Variants in CLOCK observed in about 807,000 individuals in gnomAD.
CLOCK encodes clock circadian regulator.
In CLOCK, 43 loss-of-function variants were observed where a neutral mutation model predicts 118.4. The ratio of observed to expected loss-of-function variants is 0.36; its 90% CI spans 0.28 to 0.47. CLOCK has a LOEUF of 0.47. Among genes scored for constraint, CLOCK ranks in the 20% least tolerant of loss-of-function variants. The pLI, the probability that CLOCK is intolerant of heterozygous loss-of-function variation, is 1.00. For missense variants in CLOCK, 846 were observed against 999.9 expected (o/e 0.85, Z 2.08); for synonymous variants, 326 against 339.2 (o/e 0.96, Z 0.43).
At chr4:55,492,587 G>T (rs1017088806) in intron 2 of CLOCK, among the ~76,000 whole-genome samples, 6 of 152,190 alleles carry the variant, frequency 3.9e-5, no homozygotes, top group African/African-American at 1.4e-4. Context: ...GCTCATGCCT[G>T]TAATCCTAGC....
intron 22 of CLOCK, 43 bp downstream of exon 22, chr4:55,438,239 A>G: frequency 1.2e-6 from 2 of 1,607,740 alleles, no homozygotes; most frequent in African/African-American, 2.7e-5. Flanking sequence ...TCATTACATG[A>G]AAGTAAATGA....
At chr4:55,492,622 A>G (rs928274019) in intron 2 of CLOCK, among the ~76,000 whole-genome samples, 2 of 152,152 alleles carry the variant, frequency 1.3e-5, no homozygotes, top group Non-Finnish European at 1.5e-5. Context: ...AGGTGGGTAG[A>G]TCACTTGAGG....
intron 1 of CLOCK, among the ~76,000 whole-genome samples, chr4:55,521,581 T>C (rs572176672): frequency 6.6e-6 from 1 of 152,382 alleles, no homozygotes; most frequent in Non-Finnish European, 1.5e-5. Context: ...ACTCTCAAAA[T>C]TCTGATTCTT....
intron 1 of CLOCK, among the ~76,000 whole-genome samples, chr4:55,521,776 C>G (rs982370155): frequency 2.0e-5 from 3 of 152,164 alleles, no homozygotes; most frequent in African/African-American, 7.2e-5. Flanking sequence ...GCAATTTTTA[C>G]TAATATCTTA....
At chr4:55,520,083 T>C (rs142642902) in intron 1 of CLOCK, among the ~76,000 whole-genome samples, 232 of 152,324 alleles carry the variant, frequency 1.5e-3, no homozygotes, top group African/African-American at 5.1e-3. Flanking sequence ...GCCAACATTT[T>C]AGCATAGTCT....
At chr4:55,504,626 TA>T (rs1454494154) in intron 2 of CLOCK, among the ~76,000 whole-genome samples, 1 of 152,156 alleles carries the variant, frequency 6.6e-6, no homozygotes, top group Non-Finnish European at 1.5e-5. Context: ...GAACTGAACA[TA>T]TTAAAGTACA....
At chr4:55,451,936 G>A (rs1724493205) in intron 15 of CLOCK, among the ~76,000 whole-genome samples, 1 of 152,130 alleles carries the variant, frequency 6.6e-6, no homozygotes, top group Non-Finnish European at 1.5e-5. Context: ...AACATTTGTT[G>A]AATGACTGAA....
At chr4:55,467,882 G>C (rs2109842540) in intron 8 of CLOCK, among the ~76,000 whole-genome samples, 1 of 152,292 alleles carries the variant, frequency 6.6e-6, no homozygotes, top group East Asian at 1.9e-4. Flanking sequence ...CAGAAGAGCA[G>C]TAAAGTCAAA....
intron 1 of CLOCK, among the ~76,000 whole-genome samples, chr4:55,517,140 G>A (rs974674985): frequency 7.2e-5 from 11 of 152,182 alleles, no homozygotes; most frequent in African/African-American, 2.7e-4. Flanking sequence ...GCCTGTTAAT[G>A]TGGTGGATCA....
intron 6 of CLOCK, among the ~76,000 whole-genome samples, chr4:55,478,465 A>G (rs1315655229): frequency 6.6e-6 from 1 of 152,114 alleles, no homozygotes; most frequent in African/African-American, 2.4e-5. Context: ...CTCAGTTGAA[A>G]AATCAACTAT....
Position 55,442,510 on chromosome 4 carries a change from A to C in CLOCK, c.2027T>G (p.Val676Gly). The change falls in exon 21 of 23, where the codon GTC becomes GGC. Residue 676 changes from valine to glycine, a missense_variant. Physicochemically the swap from Val to Gly is moderately radical, Grantham distance 109. Coordinates refer to ENST00000513440, the MANE Select transcript of CLOCK (RefSeq NM_004898.4). ...TTGTGGCATACTAGATGGAATCTGG[A>C]CCATGCTTCCGGCTGCAGGCTGAGA... Reference protein sequence around the residue: ...VISQPAAGSMVQIPSSMPQNS... With the variant: ...VISQPAAGSMGQIPSSMPQNS... The C allele has an allele frequency of 2.5e-6, 4 of 1,608,944 alleles. No homozygotes were observed. The highest frequency in any genetic ancestry group is 3.4e-6 in the Non-Finnish European group (4 of 1,179,176).
chr4:55,479,056 A>G (rs745753524), intron 5 of CLOCK, 93 bp from the exon 6 acceptor site: 19 of 1,024,072 alleles, frequency 1.9e-5, no homozygotes, highest in Non-Finnish European at 2.6e-5. Flanking sequence ...CACAGCATGT[A>G]CTTCTATCAA....
chr4:55,525,788 A>C (rs1285651582), intron 1 of CLOCK, among the ~76,000 whole-genome samples: 1 of 152,036 alleles, frequency 6.6e-6, no homozygotes, highest in Non-Finnish European at 1.5e-5. Flanking sequence ...AAATTTTTTA[A>C]AGTATATGTT....
At chr4:55,512,443 GTTAAGTT>G (rs1436725201) in intron 1 of CLOCK, among the ~76,000 whole-genome samples, 1 of 151,984 alleles carries the variant, frequency 6.6e-6, no homozygotes, top group Admixed American at 6.6e-5. Context: ...TTCTCTTACT[GTTAAGTT>G]TTAAGAGTCC....
At position 55,431,388 on chromosome 4, in the gene CLOCK, AAT is replaced by A. The variant is rs1156967358; in HGVS notation, c.*4025_*4026del. On this transcript the variant is annotated 3_prime_UTR_variant, in exon 23 of 23. Transcript: ENST00000513440. ...ACAAATATATTAAATATACTATAAA[AAT>A]AGTCGATTCTATTCCTTTGCAATTA... 6.6e-6 allele frequency: 1 copy of A among 152,216 alleles called. No homozygotes were observed. The highest frequency in any genetic ancestry group is 1.5e-5 in the Non-Finnish European group (1 of 68,036). 9.4% of individuals were successfully genotyped at this position (152,216 alleles called of 1,614,324 possible).
chr4:55,501,652 A>C (rs1266589025), intron 2 of CLOCK: 1 of 152,260 alleles, frequency 6.6e-6, no homozygotes, highest in African/African-American at 2.4e-5. Context: ...CAAGGAGTTC[A>C]ATCTGTAACG....
intron 1 of CLOCK, among the ~76,000 whole-genome samples, chr4:55,514,326 T>C (rs924968425): frequency 1.3e-5 from 2 of 152,154 alleles, no homozygotes; most frequent in Non-Finnish European, 2.9e-5. Context: ...CGCTCTTTAC[T>C]GCATTTAGGC....
chr4:55,494,096 G>A (rs1384922978), intron 2 of CLOCK, among the ~76,000 whole-genome samples: 1 of 152,124 alleles, frequency 6.6e-6, no homozygotes, highest in Non-Finnish European at 1.5e-5. Context: ...CCTTTTCAGA[G>A]ATAAGACTAA....
chr4:55,498,006 C>T (rs1003973552), intron 2 of CLOCK, among the ~76,000 whole-genome samples: 1 of 150,906 alleles, frequency 6.6e-6, no homozygotes, highest in Admixed American at 6.6e-5. Flanking sequence ...AAAAGAAGTA[C>T]AGAATTTCAT....
Sources: gnomAD v4.1 joint callset for allele counts (sites outside exome capture counted in the v4.1 genomes callset) on GRCh38, gnomAD v4.1.1 for gene constraint, MANE v1.5 for transcripts, NCBI Gene and HGNC (gene_info 2026-07-23, HGNC 2026-07-21) for gene names.